The following TRPC4 variants were observed in gnomAD, a reference collection of about 807,000 sequenced individuals.
TRPC4 encodes the protein short transient receptor potential channel 4.
A neutral mutation model predicts 99.4 loss-of-function variants in TRPC4; 49 were observed. The ratio of observed to expected loss-of-function variants is 0.49; its 90% confidence interval spans 0.39 to 0.63. The LOEUF is 0.63. Ranked by LOEUF, TRPC4 falls within the 20% of genes least tolerant of loss-of-function variation. The probability of loss-of-function intolerance (pLI) is 0.00; values close to 1 mark genes in which losing one functional copy is unlikely to be tolerated. For missense variants in TRPC4, 898 were observed against 1,152.9 expected, an observed-to-expected ratio of 0.78 and a Z score of 3.20; for synonymous variants, 454 against 425.9, an observed-to-expected ratio of 1.07 and a Z score of -0.81.
At chr13:37,717,169 A>T (rs903745378) in intron 3 of TRPC4, among the ~76,000 whole-genome samples, 9 of 152,184 alleles carry the variant, frequency 5.9e-5, no homozygotes, top group African/African-American at 2.2e-4. Context: ...CAATTTTCAA[A>T]AATTTAATGA....
chr13:37,733,190 T>C (rs1206912370), intron 3 of TRPC4, among the ~76,000 whole-genome samples: 2 of 152,112 alleles, frequency 1.3e-5, no homozygotes, highest in African/African-American at 4.8e-5. Flanking sequence ...GGAAGATCAC[T>C]TGAGCCCAGG....
chr13:37,760,190 G>A (rs547719482), intron 2 of TRPC4, among the ~76,000 whole-genome samples: 7 of 151,936 alleles, frequency 4.6e-5, no homozygotes, highest in African/African-American at 1.4e-4. Flanking sequence ...TTTATTTGAT[G>A]TGCAAAATCC....
chr13:37,687,363 AC>A (rs1953518843), intron 4 of TRPC4, among the ~76,000 whole-genome samples: 1 of 152,148 alleles, frequency 6.6e-6, no homozygotes, highest in African/African-American at 2.4e-5. Context: ...AGATGTCCAT[AC>A]TTTTTTGTGC....
intron 5 of TRPC4, among the ~76,000 whole-genome samples, chr13:37,670,516 T>G (rs1374593998): frequency 6.6e-6 from 1 of 152,206 alleles, no homozygotes; most frequent in Non-Finnish European, 1.5e-5. Context: ...GGTGAATCTA[T>G]TATTTACTAC....
At chr13:37,706,289 C>G (rs1397745797) in intron 3 of TRPC4, among the ~76,000 whole-genome samples, 2 of 152,114 alleles carry the variant, frequency 1.3e-5, no homozygotes, top group African/African-American at 4.8e-5. Flanking sequence ...AAGTCAGTAA[C>G]CTCAACAACA....
At chr13:37,663,010 G>C (rs2181747) in intron 6 of TRPC4, among the ~76,000 whole-genome samples, 74,661 of 152,110 alleles carry the variant, frequency 0.49, 18,849 homozygotes, top group East Asian at 0.74. Context: ...ACGGACTTTA[G>C]TACCTGGAAA....
At chr13:37,741,110 T>C (rs1207998114) in intron 3 of TRPC4, among the ~76,000 whole-genome samples, 1 of 152,216 alleles carries the variant, frequency 6.6e-6, no homozygotes, top group African/African-American at 2.4e-5. Flanking sequence ...ATTTCCTTGC[T>C]TTTTATTTTT....
chr13:37,783,281 A>G lies in TRPC4; in HGVS notation c.53T>C (p.Ile18Thr). The G allele has an allele frequency of 6.2e-7, 1 of 1,612,674 alleles. No individual in the cohort carries two copies. The highest frequency in any genetic ancestry group is 8.5e-7 in the Non-Finnish European group (1 of 1,179,398). Residue 18 changes from isoleucine (I) to threonine (T), a missense_variant, in exon 2 of 11, where the codon ATC (isoleucine) becomes ACC (threonine). By Grantham distance (89) the Ile-to-Thr change is moderately conservative (BLOSUM62 -1). Coordinates refer to ENST00000379705, the MANE Select transcript of TRPC4 (RefSeq NM_016179.4). ...TTCTGCTCTTACTATCCTTAGAGGG[A>G]TGCGGTCTCTATAGGGAGCATTAAC... The part of the protein sequence containing the change: ...RNVNAPYRDR[I>T]PLRIVRAESE...
At chr13:37,847,741 C>A (rs1447311323) in intron 1 of TRPC4, among the ~76,000 whole-genome samples, 1 of 151,922 alleles carries the variant, frequency 6.6e-6, no homozygotes, top group African/African-American at 2.4e-5. Flanking sequence ...ATAAGCCAAG[C>A]AAAGAAAGAC....
chr13:37,865,871 A>G (rs1274805512), intron 1 of TRPC4, among the ~76,000 whole-genome samples: 4 of 151,750 alleles, frequency 2.6e-5, no homozygotes, highest in African/African-American at 9.7e-5. Context: ...AAATGTGATA[A>G]TACTTCAGTT....
At chr13:37,768,715 G>A in intron 2 of TRPC4, among the ~76,000 whole-genome samples, 1 of 150,016 alleles carries the variant, frequency 6.7e-6, no homozygotes, top group Admixed American at 6.7e-5. Flanking sequence ...GGTGGTCGGG[G>A]GCAACATTTT....
chr13:37,635,380 G>T lies in TRPC4; in HGVS notation c.*1523C>A, dbSNP rs2138503615. ...ATGTGAAATGGGGATAAAAACAGGA[G>T]CTACTTCAGAGGGCTGTAAAGAGCA... On this transcript the variant is annotated 3_prime_UTR_variant, in exon 11 of 11. Transcript: ENST00000379705. Among the ~76,000 whole-genome samples, 1 of 152,206 alleles carries T rather than the reference G, an allele frequency of 6.6e-6. No individual in the cohort carries two copies. The highest frequency in any genetic ancestry group is 2.1e-4 in the South Asian group (1 of 4,826).
At chr13:37,866,499 T>C (rs1248916687) in intron 1 of TRPC4, among the ~76,000 whole-genome samples, 3 of 151,792 alleles carry the variant, frequency 2.0e-5, no homozygotes, top group Non-Finnish European at 4.4e-5. Flanking sequence ...GGTTTTGAAT[T>C]AATACATTTT....
At chr13:37,694,819 T>A (rs1267719188) in intron 3 of TRPC4, among the ~76,000 whole-genome samples, 1 of 152,142 alleles carries the variant, frequency 6.6e-6, no homozygotes, top group Admixed American at 6.5e-5. Flanking sequence ...GTTCCCCAAA[T>A]GTGGATGTTA....
At chr13:37,723,938 A>G (rs925154702) in intron 3 of TRPC4, among the ~76,000 whole-genome samples, 5 of 152,136 alleles carry the variant, frequency 3.3e-5, no homozygotes, top group African/African-American at 1.2e-4. Flanking sequence ...CTTTCTAAAA[A>G]TCTATCCTGC....
intron 8 of TRPC4, among the ~76,000 whole-genome samples, chr13:37,639,744 C>CAT (rs59528300): frequency 0.018 from 2,662 of 146,774 alleles, 97 homozygotes; most frequent in African/African-American, 0.056. Flanking sequence ...ACTCTCCAAT[C>CAT]ATATATATAT....
At chr13:37,734,182 AT>A (rs1955326953) in intron 3 of TRPC4, among the ~76,000 whole-genome samples, 1 of 152,048 alleles carries the variant, frequency 6.6e-6, no homozygotes. Context: ...AATAAATCCT[AT>A]TTTTCCACTG....
chr13:37,711,718 G>A (rs1230072911), intron 3 of TRPC4, among the ~76,000 whole-genome samples: 1 of 151,748 alleles, frequency 6.6e-6, no homozygotes, highest in Non-Finnish European at 1.5e-5. Context: ...TGGCTTGTTT[G>A]CCTTGACCAG....
chr13:37,814,946 G>A (rs919483543), intron 1 of TRPC4, among the ~76,000 whole-genome samples: 2 of 151,768 alleles, frequency 1.3e-5, no homozygotes, highest in African/African-American at 4.8e-5. Flanking sequence ...AGAAACTACA[G>A]TAATCAAGAA....
Sources: gnomAD v4.1 joint callset for allele counts (sites outside exome capture counted in the v4.1 genomes callset) on GRCh38, gnomAD v4.1.1 for gene constraint, MANE v1.5 for transcripts, NCBI Gene and HGNC (gene_info 2026-07-23, HGNC 2026-07-21) for gene names.